The following ADK variants were observed in gnomAD, a reference collection of about 807,000 sequenced individuals.
ADK encodes adenosine kinase, also known as N6,N6-dimethyladenosine kinase.
In ADK, 24 loss-of-function variants were observed where a neutral mutation model predicts 44.7. That is an observed-to-expected ratio of 0.54 (90% confidence interval 0.39 to 0.76). ADK has a LOEUF of 0.76. Ranked by LOEUF, ADK falls within the 30% of genes least tolerant of loss-of-function variation. The probability of loss-of-function intolerance (pLI) is 0.00; values close to 1 mark genes in which losing one functional copy is unlikely to be tolerated. For synonymous variants in ADK, 128 were observed against 142.6 expected, an observed-to-expected ratio of 0.90 and a Z score of 0.73; for missense variants, 321 against 425.1, an observed-to-expected ratio of 0.76 and a Z score of 2.15.
intron 1 of ADK, among the ~76,000 whole-genome samples, chr10:74,195,707 C>CTTTTTTTTTTT (rs71475265): frequency 1.4e-3 from 133 of 97,490 alleles, no homozygotes; most frequent in Middle Eastern, 6.0e-3. Flanking sequence ...TCTTTTCTTT[C>CTTTTTTTTTTT]TTTTTTTTTT....
At chr10:74,198,410 TG>T (rs1288494901) in intron 1 of ADK, among the ~76,000 whole-genome samples, 11 of 152,236 alleles carry the variant, frequency 7.2e-5, no homozygotes, top group Non-Finnish European at 1.5e-4. Flanking sequence ...GCTCAATCTA[TG>T]GTGTTAATAA....
intron 3 of ADK, among the ~76,000 whole-genome samples, chr10:74,281,176 T>C (rs1846919159): frequency 6.6e-6 from 1 of 152,226 alleles, no homozygotes; most frequent in African/African-American, 2.4e-5. Context: ...AATGTGAAGA[T>C]AGTGTTGATT....
At chr10:74,295,319 G>C in intron 3 of ADK, among the ~76,000 whole-genome samples, 1 of 148,878 alleles carries the variant, frequency 6.7e-6, no homozygotes, top group Non-Finnish European at 1.5e-5. Flanking sequence ...AAAATTAGCC[G>C]GGCATGGTGG....
intron 3 of ADK, among the ~76,000 whole-genome samples, chr10:74,233,440 G>A (rs1364138490): frequency 6.6e-6 from 1 of 152,180 alleles, no homozygotes; most frequent in African/African-American, 2.4e-5. Flanking sequence ...AGTAAGGACA[G>A]ATTACAGTTC....
intron 4 of ADK, among the ~76,000 whole-genome samples, chr10:74,349,981 A>G (rs1707697586): frequency 6.6e-6 from 1 of 152,164 alleles, no homozygotes; most frequent in Non-Finnish European, 1.5e-5. Flanking sequence ...TTAACACCCC[A>G]CTGTCAATAT....
chr10:74,228,007 C>G (rs1260982967), intron 3 of ADK, among the ~76,000 whole-genome samples: 1 of 151,828 alleles, frequency 6.6e-6, no homozygotes. Flanking sequence ...GAGACCTTGC[C>G]TTTAAAAAAA....
At chr10:74,508,986 A>T (rs1848190637) in intron 6 of ADK, among the ~76,000 whole-genome samples, 1 of 152,120 alleles carries the variant, frequency 6.6e-6, no homozygotes, top group Non-Finnish European at 1.5e-5. Context: ...TCTTGCTATT[A>T]ATATGTTACC....
intron 3 of ADK, among the ~76,000 whole-genome samples, chr10:74,301,736 T>C (rs1210979279): frequency 6.6e-6 from 1 of 152,074 alleles, no homozygotes; most frequent in African/African-American, 2.4e-5. Flanking sequence ...ATTTACTACC[T>C]GGCCTTTTAC....
chr10:74,398,911 C>G (rs1843616257), intron 6 of ADK, among the ~76,000 whole-genome samples: 1 of 152,012 alleles, frequency 6.6e-6, no homozygotes, highest in Non-Finnish European at 1.5e-5. Flanking sequence ...CATTTGTAGG[C>G]AACTTGCATT....
intron 2 of ADK, among the ~76,000 whole-genome samples, chr10:74,206,664 C>A (rs1843608898): frequency 6.6e-6 from 1 of 152,156 alleles, no homozygotes; most frequent in Admixed American, 6.6e-5. Flanking sequence ...GAACATGCCT[C>A]CAGATGTTTG....
At chr10:74,402,562 C>T (rs574812027) in intron 6 of ADK, among the ~76,000 whole-genome samples, 20 of 152,122 alleles carry the variant, frequency 1.3e-4, no homozygotes, top group Non-Finnish European at 2.6e-4. Context: ...GCATGTGTCA[C>T]GTAGTTCTCG....
At chr10:74,424,140 G>A (rs1480458345) in intron 6 of ADK, 1 of 152,460 alleles carries the variant, frequency 6.6e-6, no homozygotes, top group Non-Finnish European at 1.5e-5. Flanking sequence ...TTGGGGCTGG[G>A]GCTCACACAG....
At chr10:74,270,388 T>G (rs1194949193) in intron 3 of ADK, among the ~76,000 whole-genome samples, 1 of 152,222 alleles carries the variant, frequency 6.6e-6, no homozygotes, top group East Asian at 1.9e-4. Flanking sequence ...TGGTATTGCT[T>G]TTTGCAAATC....
At chr10:74,373,982 C>T (rs1842747135) in intron 4 of ADK, among the ~76,000 whole-genome samples, 1 of 152,126 alleles carries the variant, frequency 6.6e-6, no homozygotes, top group Non-Finnish European at 1.5e-5. Context: ...CATGCTACAA[C>T]ATGGGCAAAT....
chr10:74,704,703 A>G (rs1033365443), intron 10 of ADK, among the ~76,000 whole-genome samples: 1 of 152,216 alleles, frequency 6.6e-6, no homozygotes, highest in African/African-American at 2.4e-5. Context: ...GCTTCACAAA[A>G]ATATTTCATA....
At chr10:74,621,795 G>A (rs1395713271) in intron 9 of ADK, among the ~76,000 whole-genome samples, 1 of 152,062 alleles carries the variant, frequency 6.6e-6, no homozygotes, top group Non-Finnish European at 1.5e-5. Context: ...TTCTGTTAGT[G>A]TAGAGTCCAA....
At chr10:74,323,790 T>G (rs958066231) in intron 4 of ADK, among the ~76,000 whole-genome samples, 2 of 152,136 alleles carry the variant, frequency 1.3e-5, no homozygotes, top group Non-Finnish European at 2.9e-5. Context: ...CAGGATGGTC[T>G]CTATCTCCTG....
chr10:74,397,475 T>C lies in ADK; in HGVS notation c.447-996T>C, dbSNP rs532913269. 3.0e-4 allele frequency among the ~76,000 whole-genome samples: 45 copies of C among 152,176 alleles called. No individual in the cohort carries two copies. In the South Asian group the frequency reaches 8.9e-3, roughly 30 times the overall value. On this transcript the variant is annotated intron_variant, in intron 5 of 10. Coordinates refer to ENST00000539909, the MANE Select transcript of ADK (RefSeq NM_006721.4). ...AAAGTATTTTTATTTATAATGTAAA[T>C]AATTATTGTATTTATTTTTAATTAA...
At chr10:74,449,740 A>AGG (rs1410973279) in intron 6 of ADK, among the ~76,000 whole-genome samples, 3 of 152,218 alleles carry the variant, frequency 2.0e-5, no homozygotes, top group African/African-American at 7.2e-5. Context: ...AGATTGAGGC[A>AGG]GGAGTATGTG....
Sources: gnomAD v4.1 joint callset for allele counts (sites outside exome capture counted in the v4.1 genomes callset) on GRCh38, gnomAD v4.1.1 for gene constraint, MANE v1.5 for transcripts, NCBI Gene and HGNC (gene_info 2026-07-23, HGNC 2026-07-21) for gene names.